The following THBS1 variants were observed in gnomAD, a reference collection of about 807,000 sequenced individuals.
The protein encoded by THBS1 is thrombospondin 1.
In THBS1, 29 loss-of-function variants were observed where a neutral mutation model predicts 126.1. That is an observed-to-expected ratio of 0.23 (90% confidence interval 0.17 to 0.31). The LOEUF is 0.31. THBS1 is among the 10% of genes least tolerant of loss of function. The pLI, the probability that THBS1 is intolerant of heterozygous loss-of-function variation, is 1.00. For synonymous variants in THBS1, 496 were observed against 577.8 expected (o/e 0.86, Z 2.03); for missense variants, 1,198 against 1,545.2 (o/e 0.78, Z 3.77).
Position 39,587,166 on chromosome 15 carries a change from A to G in THBS1, c.1121-181A>G, listed in dbSNP as rs150820458. ...GTAATCACAATATATGTGTATATCA[A>G]AACATCACATTATACACCTTAAATG... On this transcript the variant is annotated intron_variant, in intron 7 of 21. Transcript: ENST00000260356. 1,676 of 507,894 alleles carry G rather than the reference A, an allele frequency of 3.3e-3. 6 individuals are homozygous for G. The highest frequency in any genetic ancestry group is 3.5e-3 in the South Asian group (73 of 21,132). 31.5% of individuals were successfully genotyped at this position (507,894 alleles called of 1,614,324 possible). A position where few individuals can be genotyped will look rare whatever the true frequency, so the allele number is the denominator to read the frequency against.
rs367660638 is a variant in THBS1 at position 39,585,507 on chromosome 15, T to C, written c.1064T>C (p.Ile355Thr). The change falls in exon 7 of 22, where the codon ATC (isoleucine) becomes ACC (threonine). Residue 355 changes from isoleucine (I) to threonine (T), a missense_variant. This residue lies in a region of THBS1 where 663 missense variants were observed against 860.1 expected (regional missense o/e 0.77). Transcript: ENST00000260356. ...VTICKKVSCP[I>T]MPCSNATVPD... ...ATCTGCAAAAAGGTGTCCTGCCCCA[T>C]CATGCCCTGCTCCAATGCCACAGTT... 28 of 1,614,066 alleles carry C rather than the reference T, an allele frequency of 1.7e-5. No homozygotes were observed. Among genetic ancestry groups the C allele is most frequent in the Non-Finnish European group, 2.2e-5 (26 of 1,180,046 alleles).
At chr15:39,587,058 A>G (rs1215083144) in intron 7 of THBS1, 1 of 236,756 alleles carries the variant, frequency 4.2e-6, no homozygotes, top group African/African-American at 2.2e-5. Flanking sequence ...TATGCTTAAA[A>G]TTTGCTAAGA....
Position 39,595,841 on chromosome 15 carries a change from G to A in THBS1, c.*472G>A, listed in dbSNP as rs753536034. 2.0e-5 allele frequency: 9 copies of A among 458,016 alleles called. No homozygotes were observed. Among genetic ancestry groups the A allele is most frequent in the South Asian group, 6.2e-5 (4 of 64,578 alleles). 28.4% of individuals were successfully genotyped at this position (458,016 alleles called of 1,614,324 possible). A position where few individuals can be genotyped will look rare whatever the true frequency, so the allele number is the denominator to read the frequency against. On this transcript the variant is annotated 3_prime_UTR_variant, in exon 22 of 22. Coordinates refer to ENST00000260356, the MANE Select transcript of THBS1 (RefSeq NM_003246.4). ...GAGGCCAAAGCACTAAGGGGAGGGC[G>A]CATACCCGAGACGATTGTATGAAGA...
At position 39,596,136 on chromosome 15, in the gene THBS1, A is replaced by C. The variant is rs917600730; in HGVS notation, c.*767A>C. 1 of 286,802 alleles carries C rather than the reference A, an allele frequency of 3.5e-6. No individual in the cohort carries two copies. Among genetic ancestry groups the C allele is most frequent in the African/African-American group, 2.2e-5 (1 of 45,702 alleles). 17.8% of individuals were successfully genotyped at this position (286,802 alleles called of 1,614,324 possible). A position where few individuals can be genotyped will look rare whatever the true frequency, so the allele number is the denominator to read the frequency against. On this transcript the variant is annotated 3_prime_UTR_variant, in exon 22 of 22. Coordinates refer to ENST00000260356, the MANE Select transcript of THBS1 (RefSeq NM_003246.4). The stretch of plus-strand genomic sequence containing the variant: ...GCTGCCATTGCCTGGTCACATTGAA[A>C]TTGGTGGCTTCATTCTAGATGTAGC...
rs1890338530 is a variant in THBS1 at position 39,592,100 on chromosome 15, A to T, written c.2533-468A>T. Among the ~76,000 whole-genome samples the T allele has an allele frequency of 6.6e-6, 1 of 152,270 alleles. No homozygotes were observed. Among genetic ancestry groups the T allele is most frequent in the African/African-American group, 2.4e-5 (1 of 41,472 alleles). Reference sequence around the variant, plus strand: ...GTAATTTATCCCTGTCATAAACATTACCCAGACAGTATACAACACAGGGAC... The same window carrying T: ...GTAATTTATCCCTGTCATAAACATTTCCCAGACAGTATACAACACAGGGAC... On this transcript the variant is annotated intron_variant, in intron 16 of 21. Coordinates refer to ENST00000260356, the MANE Select transcript of THBS1 (RefSeq NM_003246.4). The surrounding 1 kb of genome is among the most constrained non-coding windows in gnomAD (Gnocchi z 4.3).
rs745705348 is a variant in THBS1, at chr15:39,582,433, C to A, written c.308C>A (p.Thr103Lys). The A allele has an allele frequency of 6.2e-7, 1 of 1,614,056 alleles. No individual in the cohort carries two copies. Residue 103 changes from threonine (T) to lysine (K), a missense_variant, in exon 3 of 22, where the codon ACG (threonine) becomes AAG (lysine). This residue lies in a region of THBS1 where 271 missense variants were observed against 277.0 expected (regional missense o/e 0.98). Coordinates refer to ENST00000260356, the MANE Select transcript of THBS1 (RefSeq NM_003246.4). ...AGGCAGATGAAGAAGACCCGGGGCA[C>A]GCTGCTGGCCCTGGAGCGGAAAGAC... is the stretch of plus-strand genomic sequence containing the variant. ...SLRQMKKTRG[T>K]LLALERKDHS... is the part of the protein sequence containing the mutation.
In THBS1 at chr15:39,588,983, T is replaced by C; in HGVS notation, c.1670T>C (p.Phe557Ser). ...GATGGATGCCTGTCCAATCCCTGCT[T>C]TGCCGGCGTGAAGTGTACTAGCTAC... Reference protein sequence around the residue: ...PIDGCLSNPCFAGVKCTSYPD... With the variant: ...PIDGCLSNPCSAGVKCTSYPD... Residue 557 changes from phenylalanine to serine, a missense_variant, in exon 11 of 22, where the codon TTT (phenylalanine) becomes TCT (serine). This residue lies in a region of THBS1 where 663 missense variants were observed against 860.1 expected (regional missense o/e 0.77). Coordinates refer to ENST00000260356, the MANE Select transcript of THBS1 (RefSeq NM_003246.4). The C allele has an allele frequency of 1.9e-6, 3 of 1,614,140 alleles. No homozygotes were observed. The highest frequency in any genetic ancestry group is 2.5e-6 in the Non-Finnish European group (3 of 1,180,012).
chr15:39,588,337 A>G, intron 9 of THBS1, 119 bp downstream of exon 9: 1 of 1,358,386 alleles, frequency 7.4e-7, no homozygotes, highest in South Asian at 1.5e-5. Flanking sequence ...CTACTAGAGA[A>G]ACAAACAGAA....
At chr15:39,583,361 T>C (rs1209412419) in intron 3 of THBS1, among the ~76,000 whole-genome samples, 1 of 152,234 alleles carries the variant, frequency 6.6e-6, no homozygotes, top group African/African-American at 2.4e-5. Context: ...TCAGATTCCA[T>C]TTCCTGTGTA....
chr15:39,587,761 G>A (rs8029417), intron 8 of THBS1, among the ~76,000 whole-genome samples: 5 of 152,192 alleles, frequency 3.3e-5, no homozygotes, highest in Non-Finnish European at 7.3e-5. Context: ...TTTAGATACT[G>A]CATGTAAAGC....
At position 39,595,494 on chromosome 15, in the gene THBS1, T is replaced by G; in HGVS notation, c.*125T>G. ...GGCTTCCTTCTTTTCTGTGCTTGCA[T>G]CAGTGTGGACTCCTAGAACGTGCGA... On this transcript the variant is annotated 3_prime_UTR_variant, in exon 22 of 22. Transcript: ENST00000260356. 1 of 1,318,436 alleles carries G rather than the reference T, an allele frequency of 7.6e-7. No homozygotes were observed. The highest frequency in any genetic ancestry group is 1.0e-6 in the Non-Finnish European group (1 of 977,872). 81.7% of individuals were successfully genotyped at this position (1,318,436 alleles called of 1,614,324 possible).
Position 39,581,171 on chromosome 15 carries a change from C to A in THBS1, c.-87C>A. 6.5e-6 allele frequency: 1 copy of A among 154,554 alleles called. No homozygotes were observed. The highest frequency in any genetic ancestry group is 1.8e-4 in the South Asian group (1 of 5,634). The allele number at this position is 154,554 out of a possible 1,614,324, so 9.6% of individuals were successfully genotyped here. On this transcript the variant is annotated 5_prime_UTR_variant, in exon 1 of 22. Transcript: ENST00000260356. ...CGGACGCACAGGCATTCCCCGCGCCCCTCCAGCCCTCGCCGCCCTCGCCAC... is the reference window on the plus strand; with the variant it reads ...CGGACGCACAGGCATTCCCCGCGCCACTCCAGCCCTCGCCGCCCTCGCCAC...
At chr15:39,585,383 G>A (rs1890190635) in intron 6 of THBS1, 87 bp from the exon 7 acceptor site, 1 of 1,207,062 alleles carries the variant, frequency 8.3e-7, no homozygotes, top group African/African-American at 1.5e-5. Context: ...ACCATGTTTT[G>A]GCTTGTAAAG....
chr15:39,591,249 G>T lies in THBS1; in HGVS notation c.2312G>T (p.Gly771Val). Residue 771 changes from glycine to valine, a missense_variant, in exon 15 of 22, where the codon GGA becomes GTA. Around this residue, in one of 4 missense-constraint regions of THBS1, gnomAD observed 663 missense variants for 860.1 expected, o/e 0.77. Transcript: ENST00000260356. Reference protein sequence around the residue: ...AQYDYDRDDVGDRCDNCPYNH... With the variant: ...AQYDYDRDDVVDRCDNCPYNH... ...TATGACTATGACAGAGATGATGTGG[G>T]AGACCGCTGTGACAACTGTCCCTAC... The T allele has an allele frequency of 6.2e-7, 1 of 1,614,210 alleles. No homozygotes were observed.
Position 39,582,202 on chromosome 15 carries a change from G to C in THBS1, c.77G>C (p.Gly26Ala), listed in dbSNP as rs753269867. The change falls in exon 3 of 22, where the codon GGA becomes GCA. Residue 26 changes from glycine to alanine, a missense_variant. Transcript: ENST00000260356. ...CGTNRIPESGGDNSVFDIFEL... is the reference protein window; with the variant it reads ...CGTNRIPESGADNSVFDIFEL... ...CTCTCCTGTCTAACAGAGTCTGGCG[G>C]AGACAACAGCGTGTTTGACATCTTT... 40 of 1,602,396 alleles carry C rather than the reference G, an allele frequency of 2.5e-5. No homozygotes were observed. The South Asian group carries it at 3.7e-4, about 15-fold the overall frequency.
At chr15:39,586,496 T>C (rs1338850817) in intron 7 of THBS1, 1 of 152,244 alleles carries the variant, frequency 6.6e-6, no homozygotes, top group Non-Finnish European at 1.5e-5. Context: ...TAGATGTGAT[T>C]GTAGCCGTGG....
chr15:39,590,090 G>A, intron 13 of THBS1, 67 bp downstream of exon 13: 1 of 1,346,410 alleles, frequency 7.4e-7, no homozygotes, highest in South Asian at 1.6e-5. Flanking sequence ...ACAGGCTAAG[G>A]AATTTTAAAT....
chr15:39,581,588 A>C, intron 1 of THBS1: 1 of 409,204 alleles, frequency 2.4e-6, no homozygotes, highest in African/African-American at 2.1e-5. Context: ...AAGCCCCCAA[A>C]TTGTTGGTCT....
At chr15:39,583,886 C>T in intron 4 of THBS1, 102 bp from the exon 5 acceptor site, 1 of 1,433,980 alleles carries the variant, frequency 7.0e-7, no homozygotes, top group Non-Finnish European at 9.6e-7. Flanking sequence ...AACCCCTCTA[C>T]CTGCATCCTT....
Sources: gnomAD v4.1 joint callset for allele counts (sites outside exome capture counted in the v4.1 genomes callset) on GRCh38, gnomAD v4.1.1 for gene constraint, gnomAD v4.1.1 regional missense constraint, Gnocchi (gnomAD v3.1) non-coding constraint, MANE v1.5 for transcripts, NCBI Gene and HGNC (gene_info 2026-07-23, HGNC 2026-07-21) for gene names.